TRIM71: variants seen among roughly 807,000 people sequenced by gnomAD.
TRIM71 encodes tripartite motif containing 71.
TRIM71 carries 9 observed loss-of-function variants against 61.2 expected under a neutral mutation model. The observed-to-expected ratio is 0.15, with a 90% CI of 0.09 to 0.26. The LOEUF is 0.26. TRIM71 is among the 10% of genes least tolerant of loss of function. TRIM71 has a pLI of 1.00. For missense variants in TRIM71, 998 were observed against 1,238.7 expected, an observed-to-expected ratio of 0.81 and a Z score of 2.92; for synonymous variants, 645 against 553.2, an observed-to-expected ratio of 1.17 and a Z score of -2.33.
rs1304833580 is a variant in TRIM71, at chr3:32,897,192, G to T, written c.*5381G>T. The T allele has an allele frequency of 6.6e-6, 1 of 150,708 alleles. No homozygotes were observed. Among genetic ancestry groups the T allele is most frequent in the Non-Finnish European group, 1.5e-5 (1 of 67,714 alleles). The allele number at this position is 150,708 out of a possible 1,614,324, so 9.3% of individuals were successfully genotyped here. A position where few individuals can be genotyped will look rare whatever the true frequency, so the allele number is the denominator to read the frequency against. Reference sequence around the variant, plus strand: ...ACATGTGACTCGGTTGAGTCTTTTTGTCTTTTTTTTTTTTAAATAAACAAT... The same window carrying T: ...ACATGTGACTCGGTTGAGTCTTTTTTTCTTTTTTTTTTTTAAATAAACAAT... On this transcript the variant is annotated 3_prime_UTR_variant, in exon 4 of 4. Transcript: ENST00000383763.
chr3:32,885,921 T>C lies in TRIM71; in HGVS notation c.1021-13T>C, dbSNP rs1559551157. 2.5e-6 allele frequency: 4 copies of C among 1,608,390 alleles called. No homozygotes were observed. The highest frequency in any genetic ancestry group is 2.2e-5 in the East Asian group (1 of 44,820). ...TTCTAATGCCTCGAAGTTGTTTCTTTTTGGTTTTCCAGCTGAGCATCGAGC... is the reference window on the plus strand; with the variant it reads ...TTCTAATGCCTCGAAGTTGTTTCTTCTTGGTTTTCCAGCTGAGCATCGAGC... On this transcript the variant is annotated splice_polypyrimidine_tract_variant and intron_variant, in intron 2 of 3. Transcript: ENST00000383763.
intron 1 of TRIM71, among the ~76,000 whole-genome samples, chr3:32,845,495 G>T (rs902606558): frequency 6.6e-6 from 1 of 152,156 alleles, no homozygotes; most frequent in African/African-American, 2.4e-5. Context: ...CCCTCTAGCG[G>T]GTTTGCAAGG....
At chr3:32,843,139 T>C (rs1272720363) in intron 1 of TRIM71, among the ~76,000 whole-genome samples, 6 of 152,048 alleles carry the variant, frequency 3.9e-5, no homozygotes, top group East Asian at 1.9e-4. Flanking sequence ...TTTGACTGAA[T>C]TGGTCAAGTC....
chr3:32,855,835 A>C (rs1377041331), intron 1 of TRIM71, among the ~76,000 whole-genome samples: 2 of 152,108 alleles, frequency 1.3e-5, no homozygotes, highest in Non-Finnish European at 2.9e-5. Flanking sequence ...TGTTTATAAA[A>C]CAACCCACAG....
chr3:32,824,969 A>T (rs1426977942), intron 1 of TRIM71, among the ~76,000 whole-genome samples: 1 of 151,480 alleles, frequency 6.6e-6, no homozygotes, highest in Non-Finnish European at 1.5e-5. Context: ...TAATTTTTGT[A>T]TTTTTAGTGG....
At chr3:32,837,276 G>C (rs1191477242) in intron 1 of TRIM71, among the ~76,000 whole-genome samples, 1 of 152,176 alleles carries the variant, frequency 6.6e-6, no homozygotes, top group East Asian at 1.9e-4. Context: ...TGTACTGTCT[G>C]TAATATGTCT....
chr3:32,844,539 G>A lies in TRIM71; in HGVS notation c.852+25607G>A, dbSNP rs1372568397. Among the ~76,000 whole-genome samples the A allele has an allele frequency of 2.0e-5, 3 of 152,204 alleles. No individual in the cohort carries two copies. The South Asian group carries it at 6.2e-4, about 32-fold the overall frequency. On this transcript the variant is annotated intron_variant, in intron 1 of 3. Coordinates refer to ENST00000383763, the MANE Select transcript of TRIM71 (RefSeq NM_001039111.3). Reference sequence around the variant, plus strand: ...AGCCTCTGGCGTAGCTAGGAGTACAGGCACTCTCCACCATGCCTAGCTAAC... The same window carrying A: ...AGCCTCTGGCGTAGCTAGGAGTACAAGCACTCTCCACCATGCCTAGCTAAC...
At chr3:32,872,903 T>C (rs1464030548) in intron 1 of TRIM71, among the ~76,000 whole-genome samples, 1 of 152,200 alleles carries the variant, frequency 6.6e-6, no homozygotes. Context: ...GCTCTGCTCT[T>C]GAAAGCAATC....
intron 2 of TRIM71, among the ~76,000 whole-genome samples, chr3:32,884,128 TTAAA>T (rs1163980938): frequency 2.0e-5 from 3 of 152,200 alleles, no homozygotes; most frequent in Admixed American, 6.5e-5. Context: ...TTTGTTTTGT[TTAAA>T]TAAAGACCAG....
At chr3:32,827,481 C>G (rs910903344) in intron 1 of TRIM71, among the ~76,000 whole-genome samples, 1 of 151,438 alleles carries the variant, frequency 6.6e-6, no homozygotes, top group Non-Finnish European at 1.5e-5. Context: ...AGGCTGGTCT[C>G]GAACTCCTGA....
At chr3:32,855,907 A>G (rs1024645159) in intron 1 of TRIM71, among the ~76,000 whole-genome samples, 4 of 152,236 alleles carry the variant, frequency 2.6e-5, no homozygotes, top group African/African-American at 7.2e-5. Flanking sequence ...TCCTACAGGC[A>G]CCATCTGAGC....
At chr3:32,842,669 T>C (rs781441331) in intron 1 of TRIM71, among the ~76,000 whole-genome samples, 5 of 152,224 alleles carry the variant, frequency 3.3e-5, no homozygotes, top group Non-Finnish European at 5.9e-5. Context: ...AGCTCTCCTC[T>C]GTAAAAATCA....
intron 1 of TRIM71, among the ~76,000 whole-genome samples, chr3:32,819,775 A>G (rs1274815574): frequency 6.6e-6 from 1 of 152,166 alleles, no homozygotes; most frequent in Admixed American, 6.5e-5. Flanking sequence ...CAAGCCCTAC[A>G]GGAACCGGTT....
chr3:32,882,346 CT>C (rs1198310403), intron 2 of TRIM71, among the ~76,000 whole-genome samples: 1 of 152,062 alleles, frequency 6.6e-6, no homozygotes, highest in Admixed American at 6.6e-5. Flanking sequence ...GAAATATTAG[CT>C]TGGACACCAG....
intron 2 of TRIM71, among the ~76,000 whole-genome samples, chr3:32,884,781 C>T (rs978849485): frequency 1.3e-5 from 2 of 152,068 alleles, no homozygotes; most frequent in South Asian, 2.1e-4. Flanking sequence ...AGTGGCCTGA[C>T]GGGACACAAT....
intron 1 of TRIM71, among the ~76,000 whole-genome samples, chr3:32,835,604 A>G (rs563647080): frequency 6.6e-6 from 1 of 152,278 alleles, no homozygotes; most frequent in South Asian, 2.1e-4. Flanking sequence ...TTTTCTGAGT[A>G]TGTTTATGCC....
intron 1 of TRIM71, among the ~76,000 whole-genome samples, chr3:32,828,200 A>G (rs912164289): frequency 2.6e-5 from 4 of 152,092 alleles, no homozygotes; most frequent in South Asian, 2.1e-4. Context: ...AGATATTTCT[A>G]TTACTTAGGA....
At chr3:32,827,200 A>G (rs1318630351) in intron 1 of TRIM71, among the ~76,000 whole-genome samples, 2 of 151,654 alleles carry the variant, frequency 1.3e-5, no homozygotes, top group East Asian at 3.9e-4. Context: ...TTCAGTAATT[A>G]TGTTAGCATA....
chr3:32,864,845 GGTGTGT>G (rs10522411), intron 1 of TRIM71, among the ~76,000 whole-genome samples: 10,889 of 146,278 alleles, frequency 0.074, 444 homozygotes, highest in East Asian at 0.12. Flanking sequence ...AAAATTAAGT[GGTGTGT>G]GTGTGTGTGT....
Sources: gnomAD v4.1 joint callset for allele counts (sites outside exome capture counted in the v4.1 genomes callset) on GRCh38, gnomAD v4.1.1 for gene constraint, MANE v1.5 for transcripts, NCBI Gene and HGNC (gene_info 2026-07-23, HGNC 2026-07-21) for gene names.